The following CEP120 variants were observed in gnomAD, a reference collection of about 807,000 sequenced individuals.
The protein encoded by CEP120 is centrosomal protein 120, also known as centrosomal protein of 120 kDa.
CEP120 carries 113 observed loss-of-function variants against 126.5 expected under a neutral mutation model. The ratio of observed to expected loss-of-function variants is 0.89; its 90% CI spans 0.77 to 1.04. The LOEUF (loss-of-function observed/expected upper bound fraction) is 1.04. Ranked by LOEUF, CEP120 falls within the 50% of genes least tolerant of loss-of-function variation. The pLI, the probability that CEP120 is intolerant of heterozygous loss-of-function variation, is 0.00. For missense variants in CEP120, 1,230 were observed against 1,155.7 expected (o/e 1.06, Z -0.93); for synonymous variants, 400 against 394.3 (o/e 1.01, Z -0.17).
At chr5:123,417,959 A>T (rs1418069325) in intron 2 of CEP120, among the ~76,000 whole-genome samples, 1 of 152,190 alleles carries the variant, frequency 6.6e-6, no homozygotes, top group African/African-American at 2.4e-5. Flanking sequence ...TGTCACATTT[A>T]AAAAAACACT....
At chr5:123,401,906 G>T (rs1288315032) in intron 4 of CEP120, 2 of 1,557,430 alleles carry the variant, frequency 1.3e-6, no homozygotes, top group African/African-American at 1.4e-5. Flanking sequence ...GCCGCCTAAG[G>T]TTGTTGATGT....
At chr5:123,418,968 A>C (rs1354358653) in intron 1 of CEP120, among the ~76,000 whole-genome samples, 1 of 152,156 alleles carries the variant, frequency 6.6e-6, no homozygotes, top group Non-Finnish European at 1.5e-5. Flanking sequence ...AGGCTCACAT[A>C]TACACTCACT....
intron 17 of CEP120, among the ~76,000 whole-genome samples, chr5:123,365,490 A>T (rs1179687885): frequency 3.3e-5 from 5 of 151,756 alleles, no homozygotes; most frequent in Non-Finnish European, 7.4e-5. Context: ...TTTCCCATAA[A>T]TATATGAAAA....
At chr5:123,361,164 C>G (rs1226774285) in intron 18 of CEP120, among the ~76,000 whole-genome samples, 1 of 151,724 alleles carries the variant, frequency 6.6e-6, no homozygotes, top group African/African-American at 2.4e-5. Flanking sequence ...CACTATTTTC[C>G]ACTTCTTCCC....
At chr5:123,406,600 A>AC (rs1773692848) in intron 4 of CEP120, among the ~76,000 whole-genome samples, 1 of 147,126 alleles carries the variant, frequency 6.8e-6, no homozygotes, top group Admixed American at 6.8e-5. Context: ...AAAAAAAAAA[A>AC]CCACCACCCT....
intron 4 of CEP120, chr5:123,402,421 GT>G: frequency 8.5e-7 from 1 of 1,181,808 alleles, no homozygotes; most frequent in Non-Finnish European, 1.1e-6. Context: ...TTCTTGGTCT[GT>G]TTTTTGTTTT....
At chr5:123,413,046 C>A (rs1378107350) in intron 3 of CEP120, among the ~76,000 whole-genome samples, 1 of 152,054 alleles carries the variant, frequency 6.6e-6, no homozygotes, top group African/African-American at 2.4e-5. Flanking sequence ...GTGGGCAGAT[C>A]ACTTGAGTCC....
chr5:123,417,114 A>T (rs1774435351), intron 2 of CEP120, among the ~76,000 whole-genome samples: 1 of 152,148 alleles, frequency 6.6e-6, no homozygotes, highest in Non-Finnish European at 1.5e-5. Flanking sequence ...AGCCTACAAC[A>T]ATCAGAGTGG....
chr5:123,372,827 T>C, intron 16 of CEP120, 55 bp from the exon 17 acceptor site: 1 of 1,418,206 alleles, frequency 7.1e-7, no homozygotes, highest in South Asian at 1.3e-5. Context: ...AGTTTAACAA[T>C]AAAGTATTCA....
intron 4 of CEP120, among the ~76,000 whole-genome samples, chr5:123,404,861 C>A (rs1264847332): frequency 1.3e-5 from 2 of 152,156 alleles, no homozygotes; most frequent in African/African-American, 4.8e-5. Context: ...TTCCAGAAGA[C>A]ACCTTCTTCC....
At chr5:123,421,870 T>A (rs1049242665) in intron 1 of CEP120, among the ~76,000 whole-genome samples, 2 of 152,240 alleles carry the variant, frequency 1.3e-5, no homozygotes, top group African/African-American at 4.8e-5. Context: ...CTGGTCAGTC[T>A]CTTGTTCCAA....
chr5:123,404,330 C>T (rs1161058630), intron 4 of CEP120, among the ~76,000 whole-genome samples: 3 of 152,186 alleles, frequency 2.0e-5, no homozygotes, highest in African/African-American at 7.2e-5. Context: ...GCAAACACAT[C>T]GCTGAAATTC....
Position 123,345,726 on chromosome 5 carries a change from G to A in CEP120, c.*793C>T, listed in dbSNP as rs147764630. On this transcript the variant is annotated 3_prime_UTR_variant, in exon 20 of 20. Coordinates refer to ENST00000306467, the MANE Select transcript of CEP120 (RefSeq NM_001375405.1). ...ATTTTTTCAGCTAATGTCTTTATGTGTCTGTTTCCATGTTCTATTACAGAG... is the reference window on the plus strand; with the variant it reads ...ATTTTTTCAGCTAATGTCTTTATGTATCTGTTTCCATGTTCTATTACAGAG... The A allele has an allele frequency of 1.1e-3, 164 of 152,184 alleles. No homozygotes were observed. Among genetic ancestry groups the A allele is most frequent in the African/African-American group, 3.7e-3 (154 of 41,528 alleles). 9.4% of individuals were successfully genotyped at this position (152,184 alleles called of 1,614,324 possible).
chr5:123,404,617 T>C (rs1353039178), intron 4 of CEP120, among the ~76,000 whole-genome samples: 1 of 152,236 alleles, frequency 6.6e-6, no homozygotes, highest in Non-Finnish European at 1.5e-5. Flanking sequence ...AGAAAAGTTA[T>C]TGTTAAAATA....
chr5:123,401,561 G>A, intron 4 of CEP120: 1 of 1,360,550 alleles, frequency 7.3e-7, no homozygotes, highest in East Asian at 2.3e-5. Context: ...CTTGACCTCA[G>A]CGATGACGCT....
chr5:123,357,173 C>T (rs914886000), intron 18 of CEP120, among the ~76,000 whole-genome samples: 2 of 152,246 alleles, frequency 1.3e-5, no homozygotes, highest in African/African-American at 2.4e-5. Flanking sequence ...CCTTTGAAGG[C>T]AATGTATCTG....
chr5:123,413,150 T>C (rs1189964958), intron 3 of CEP120, among the ~76,000 whole-genome samples: 3 of 151,942 alleles, frequency 2.0e-5, no homozygotes, highest in Non-Finnish European at 4.4e-5. Flanking sequence ...TGCACGCCTG[T>C]AATCCCAGCT....
intron 18 of CEP120, among the ~76,000 whole-genome samples, chr5:123,363,433 A>G (rs112885113): frequency 1.3e-3 from 196 of 151,734 alleles, no homozygotes; most frequent in African/African-American, 4.5e-3. Flanking sequence ...ACCTGGTATA[A>G]TATTATTTTA....
chr5:123,409,383 C>T (rs1773890731), intron 4 of CEP120, among the ~76,000 whole-genome samples: 1 of 152,110 alleles, frequency 6.6e-6, no homozygotes, highest in Non-Finnish European at 1.5e-5. Context: ...TGTCCCCTCT[C>T]ACCACTTCTT....
Sources: gnomAD v4.1 joint callset for allele counts (sites outside exome capture counted in the v4.1 genomes callset) on GRCh38, gnomAD v4.1.1 for gene constraint, MANE v1.5 for transcripts, NCBI Gene and HGNC (gene_info 2026-07-23, HGNC 2026-07-21) for gene names.